Variants in KCNT1 observed in about 807,000 individuals in gnomAD.
KCNT1 encodes potassium sodium-activated channel subfamily T member 1.
KCNT1 carries 78 observed loss-of-function variants against 147.8 expected under a neutral mutation model. The ratio of observed to expected loss-of-function variants is 0.53; its 90% CI spans 0.44 to 0.64. The LOEUF (loss-of-function observed/expected upper bound fraction) is 0.64. Ranked by LOEUF, KCNT1 falls within the 30% of genes least tolerant of loss-of-function variation. The pLI is 0.00. For missense variants in KCNT1, 1,419 were observed against 1,750.3 expected (o/e 0.81, Z 3.38); for synonymous variants, 867 against 748.8 (o/e 1.16, Z -2.58).
intron 18 of KCNT1, 52 bp downstream of exon 18, chr9:135,771,147 GACCAGGCGGGAC>G: frequency 6.7e-7 from 1 of 1,500,210 alleles, no homozygotes; most frequent in Non-Finnish European, 9.1e-7. Flanking sequence ...TTTGGCGGGA[GACCAGGCGGGAC>G]ACCGGCAGGT....
At position 135,793,431 on chromosome 9, in the gene KCNT1, T is replaced by C. The variant is rs1834680405; in HGVS notation, c.*1270T>C. 1 of 152,216 alleles carries C rather than the reference T, an allele frequency of 6.6e-6. No homozygotes were observed. Among genetic ancestry groups the C allele is most frequent in the Non-Finnish European group, 1.5e-5 (1 of 68,046 alleles). 9.4% of individuals were successfully genotyped at this position (152,216 alleles called of 1,614,324 possible). ...TCAGCCTCACCCCTGCAGCCAGGCA[T>C]GTCCCTGGGGTGGGCACAGAGACCC... On this transcript the variant is annotated 3_prime_UTR_variant, in exon 31 of 31. Coordinates refer to ENST00000371757, the MANE Select transcript of KCNT1 (RefSeq NM_020822.3).
In KCNT1 at chr9:135,759,669, G is replaced by A. The variant is rs1057521940; in HGVS notation, c.855-10G>A. Reference sequence around the variant, plus strand: ...GGCCCCAGGCCGCCCCTCACTGCCAGGGGTTGCAGGACCTGCGGCATCCAG... The same window carrying A: ...GGCCCCAGGCCGCCCCTCACTGCCAAGGGTTGCAGGACCTGCGGCATCCAG... On this transcript the variant is annotated splice_polypyrimidine_tract_variant and intron_variant, in intron 10 of 30. Transcript: ENST00000371757. 6 of 1,593,196 alleles carry A rather than the reference G, an allele frequency of 3.8e-6. No homozygotes were observed. Among genetic ancestry groups the A allele is most frequent in the Non-Finnish European group, 5.1e-6 (6 of 1,167,622 alleles).
chr9:135,774,278 G>C (rs1008729063), intron 19 of KCNT1, among the ~76,000 whole-genome samples: 26 of 148,300 alleles, frequency 1.8e-4, no homozygotes, highest in African/African-American at 6.5e-4. Context: ...TGTTGTGTGT[G>C]TGGTGTGTTG....
chr9:135,722,561 G>A (rs1034994212), intron 2 of KCNT1, among the ~76,000 whole-genome samples: 4 of 152,168 alleles, frequency 2.6e-5, no homozygotes, highest in Admixed American at 6.6e-5. Context: ...TTTATGCCTC[G>A]TCTCAGTCTT....
chr9:135,735,807 G>A (rs143720180), intron 2 of KCNT1, among the ~76,000 whole-genome samples: 151 of 152,292 alleles, frequency 9.9e-4, no homozygotes, highest in African/African-American at 3.5e-3. Context: ...GGACAGGGGC[G>A]CATCTGACAG....
At chr9:135,756,826 C>T (rs1156945695) in intron 6 of KCNT1, 47 bp from the exon 7 acceptor site, 2 of 1,553,380 alleles carry the variant, frequency 1.3e-6, no homozygotes, top group Non-Finnish European at 1.8e-6. Context: ...AGGCCCCAGC[C>T]CCAGCCCCGG....
At chr9:135,760,444 A>T (rs901158517) in intron 11 of KCNT1, among the ~76,000 whole-genome samples, 4 of 152,120 alleles carry the variant, frequency 2.6e-5, no homozygotes, top group African/African-American at 7.2e-5. Context: ...GGACCCTGCT[A>T]TTGGGGAGAT....
intron 4 of KCNT1, among the ~76,000 whole-genome samples, chr9:135,753,118 A>G (rs1182729715): frequency 6.6e-6 from 1 of 151,116 alleles, no homozygotes; most frequent in African/African-American, 2.4e-5. Flanking sequence ...GGATGGAGAG[A>G]TGGATGATGG....
At chr9:135,764,675 C>T (rs1417497791) in intron 11 of KCNT1, among the ~76,000 whole-genome samples, 3 of 152,218 alleles carry the variant, frequency 2.0e-5, no homozygotes, top group Non-Finnish European at 4.4e-5. Context: ...CCTGCGAGTG[C>T]CTGGAAGACC....
intron 2 of KCNT1, among the ~76,000 whole-genome samples, chr9:135,732,022 A>AGAGAGAGAGAGAGAGG (rs1836492768): frequency 4.6e-5 from 6 of 129,428 alleles, no homozygotes; most frequent in African/African-American, 8.8e-5. Flanking sequence ...AGAGAGAGAG[A>AGAGAGAGAGAGAGAGG]GAGAGAGAGA....
chr9:135,715,190 T>C (rs1343299945), intron 2 of KCNT1, among the ~76,000 whole-genome samples: 1 of 152,216 alleles, frequency 6.6e-6, no homozygotes, highest in Non-Finnish European at 1.5e-5. Flanking sequence ...TGGTCACTTA[T>C]TCCGAGTCAC....
Position 135,786,216 on chromosome 9 carries a change from T to C in KCNT1, c.3197T>C (p.Val1066Ala), listed in dbSNP as rs1554780631. The C allele has an allele frequency of 1.3e-6, 2 of 1,572,266 alleles. No homozygotes were observed. Among genetic ancestry groups the C allele is most frequent in the African/African-American group, 1.4e-5 (1 of 73,222 alleles). Residue 1066 changes from valine to alanine, a missense_variant, in exon 29 of 31, where the codon GTG becomes GCG. By Grantham distance (64) the Val-to-Ala change is moderately conservative. Coordinates refer to ENST00000371757, the MANE Select transcript of KCNT1 (RefSeq NM_020822.3). ...LRAQSQISVNVEDCEDTREVK... is the reference protein window; with the variant it reads ...LRAQSQISVNAEDCEDTREVK... ...GCCCAGTCCCAGATCTCGGTGAACG[T>C]GGAGGACTGTGAGGACACACGGGAA...
intron 20 of KCNT1, among the ~76,000 whole-genome samples, chr9:135,775,842 C>G (rs1254417846): frequency 1.3e-5 from 2 of 152,244 alleles, no homozygotes; most frequent in Non-Finnish European, 2.9e-5. Context: ...CTTCAGCGTC[C>G]TGCGTGGCAG....
chr9:135,769,829 C>T (rs980016311), intron 15 of KCNT1, 118 bp from the exon 16 acceptor site: 11 of 700,016 alleles, frequency 1.6e-5, no homozygotes, highest in Non-Finnish European at 2.7e-5. Context: ...GGACAGCAGA[C>T]ACGGGGGTGC....
intron 6 of KCNT1, among the ~76,000 whole-genome samples, chr9:135,756,645 G>A (rs1379334392): frequency 6.6e-6 from 1 of 152,090 alleles, no homozygotes; most frequent in Non-Finnish European, 1.5e-5. Context: ...GGCCTAGAGT[G>A]GGCGGCCCAG....
At chr9:135,779,592 G>T in intron 24 of KCNT1, 122 bp downstream of exon 24, 1 of 728,456 alleles carries the variant, frequency 1.4e-6, no homozygotes, top group Non-Finnish European at 2.4e-6. Context: ...CTCCTGCTGG[G>T]GAACTCAGGA....
At chr9:135,724,817 C>T (rs1371725429) in intron 2 of KCNT1, among the ~76,000 whole-genome samples, 2 of 152,242 alleles carry the variant, frequency 1.3e-5, no homozygotes, top group African/African-American at 4.8e-5. Flanking sequence ...CGGCCACCCA[C>T]CTGGATTGGA....
At chr9:135,749,793 G>C (rs1831045328) in intron 2 of KCNT1, among the ~76,000 whole-genome samples, 1 of 152,230 alleles carries the variant, frequency 6.6e-6, no homozygotes, top group Non-Finnish European at 1.5e-5. Flanking sequence ...AGGGTGTGTG[G>C]AGTGAGTGCC....
chr9:135,719,692 C>T (rs1835850978), intron 2 of KCNT1, among the ~76,000 whole-genome samples: 1 of 152,152 alleles, frequency 6.6e-6, no homozygotes, highest in Non-Finnish European at 1.5e-5. Flanking sequence ...GCTGGGGCTT[C>T]CGGCAGGCAA....
Sources: allele counts gnomAD v4.1 joint callset (sites outside exome capture counted in the v4.1 genomes callset), GRCh38; gene constraint gnomAD v4.1.1; transcripts MANE v1.5; gene names NCBI Gene and HGNC (gene_info 2026-07-23, HGNC 2026-07-21).